The following NAV1 variants were observed in gnomAD, a reference collection of about 807,000 sequenced individuals.
NAV1 encodes the protein pore membrane and/or filament interacting like protein 3.
A neutral mutation model predicts 175.2 loss-of-function variants in NAV1; 18 were observed. The observed-to-expected ratio is 0.10, with a 90% confidence interval of 0.07 to 0.15. The LOEUF is 0.15. Among genes scored for constraint, NAV1 ranks in the 10% least tolerant of loss-of-function variants. The pLI, the probability that NAV1 is intolerant of heterozygous loss-of-function variation, is 1.00. For synonymous variants in NAV1, 897 were observed against 978.7 expected, an observed-to-expected ratio of 0.92 and a Z score of 1.56; for missense variants, 1,731 against 2,436.6, an observed-to-expected ratio of 0.71 and a Z score of 6.10.
chr1:201,801,234 T>C lies in NAV1; in HGVS notation c.3518-2359T>C, dbSNP rs778258502. Reference sequence around the variant, plus strand: ...GGGTTTTCCAAATACCTTATGAGCTTTGTAGTTATAGCATCAGATCCTACG... The same window carrying C: ...GGGTTTTCCAAATACCTTATGAGCTCTGTAGTTATAGCATCAGATCCTACG... On this transcript the variant is annotated intron_variant, in intron 15 of 29. Transcript: ENST00000367296. Among the ~76,000 whole-genome samples the C allele has an allele frequency of 6.2e-4, 94 of 152,180 alleles. 1 individual carries two copies. The highest frequency in any genetic ancestry group is 2.4e-4 in the Non-Finnish European group (16 of 68,038).
chr1:201,821,323 A>T (rs1679364429), exon 30 of NAV1: 1 of 152,626 alleles, frequency 6.6e-6, no homozygotes, highest in Non-Finnish European at 1.5e-5. Context: ...ATGTGAGATC[A>T]TCCCAATCAG....
chr1:201,562,147 G>T (rs1666219117), intron 1 of NAV1, among the ~76,000 whole-genome samples: 2 of 150,468 alleles, frequency 1.3e-5, no homozygotes, highest in African/African-American at 4.9e-5. Flanking sequence ...TGAGACTACA[G>T]GCACACACCA....
intron 3 of NAV1, among the ~76,000 whole-genome samples, chr1:201,756,809 CTTCTTTCTTTCT>C (rs534285799): frequency 0.041 from 1,097 of 26,794 alleles, 20 homozygotes; most frequent in African/African-American, 0.07. Context: ...TCTTTCTTTC[CTTCTTTCTTTCT>C]TTCTTTCTTT....
chr1:201,780,469 C>T (rs1215592719), exon 4 of NAV1: 4 of 1,614,114 alleles, frequency 2.5e-6, no homozygotes, highest in Non-Finnish European at 3.4e-6. Context: ...ATGCCTCAGA[C>T]AATCTCAGTT....
At chr1:201,796,978 AG>A (rs1677489990) in intron 15 of NAV1, 1 of 152,152 alleles carries the variant, frequency 6.6e-6, no homozygotes, top group Admixed American at 6.5e-5. Flanking sequence ...GAAGAACAAA[AG>A]TTTTCCATTT....
At chr1:201,547,706 A>C (rs929136569) in intron 1 of NAV1, among the ~76,000 whole-genome samples, 1 of 152,236 alleles carries the variant, frequency 6.6e-6, no homozygotes, top group Non-Finnish European at 1.5e-5. Context: ...TGTCATATGT[A>C]ATGATAGAAA....
At chr1:201,793,688 A>G (rs1055966171) in intron 13 of NAV1, 104 bp from the exon 18 acceptor site, 10 of 959,908 alleles carry the variant, frequency 1.0e-5, no homozygotes, top group Non-Finnish European at 6.5e-6. Flanking sequence ...GGCATTGGTC[A>G]GCTCCGAGAT....
At chr1:201,629,675 T>C in intron 2 of NAV1, 168 bp downstream of exon 4, 1 of 385,942 alleles carries the variant, frequency 2.6e-6, no homozygotes, top group South Asian at 2.2e-5. Flanking sequence ...CAACCCAGGG[T>C]TGGTCCATCA....
At chr1:201,801,714 T>C (rs1677878259) in intron 15 of NAV1, among the ~76,000 whole-genome samples, 2 of 152,208 alleles carry the variant, frequency 1.3e-5, no homozygotes, top group African/African-American at 4.8e-5. Context: ...GTGCATTTCT[T>C]TGCAACTTCC....
intron 1 of NAV1, among the ~76,000 whole-genome samples, chr1:201,700,000 C>A (rs1269392180): frequency 6.6e-6 from 1 of 152,104 alleles, no homozygotes; most frequent in East Asian, 1.9e-4. Flanking sequence ...AGAAGAAAAC[C>A]TAGGCAATAC....
chr1:201,724,120 G>A (rs887226859), intron 3 of NAV1: 8 of 152,080 alleles, frequency 5.3e-5, no homozygotes, highest in South Asian at 2.1e-4. Context: ...AAGTAGTCTC[G>A]CCAGGGTAAT....
intron 1 of NAV1, among the ~76,000 whole-genome samples, chr1:201,687,398 C>A (rs199651609): frequency 1.3e-5 from 2 of 152,148 alleles, no homozygotes; most frequent in East Asian, 3.9e-4. Flanking sequence ...AAGCTGAGGC[C>A]CCTCTGGAGA....
chr1:201,687,731 A>G (rs1487441406), intron 1 of NAV1, among the ~76,000 whole-genome samples: 1 of 152,174 alleles, frequency 6.6e-6, no homozygotes, highest in African/African-American at 2.4e-5. Flanking sequence ...ATTGGTTCGG[A>G]GTCAACTAGG....
intron 1 of NAV1, among the ~76,000 whole-genome samples, chr1:201,669,871 G>C (rs1237143903): frequency 6.6e-6 from 1 of 152,094 alleles, no homozygotes; most frequent in Non-Finnish European, 1.5e-5. Flanking sequence ...TGTGGGCCTG[G>C]TGCACTGTGT....
At chr1:201,559,377 C>T (rs898202131) in intron 1 of NAV1, among the ~76,000 whole-genome samples, 6 of 152,108 alleles carry the variant, frequency 3.9e-5, no homozygotes, top group Admixed American at 6.5e-5. Context: ...ACTGGAGACT[C>T]GCACATAAAC....
chr1:201,804,639 C>A, intron 17 of NAV1, 142 bp downstream of exon 21: 1 of 791,592 alleles, frequency 1.3e-6, no homozygotes, highest in Non-Finnish European at 2.0e-6. Context: ...TAACAACCAC[C>A]CAGAGTTCCT....
At chr1:201,783,753 C>T in exon 7 of NAV1, 1 of 1,614,162 alleles carries the variant, frequency 6.2e-7, no homozygotes, top group Non-Finnish European at 8.5e-7. Context: ...CCCAGCAGTA[C>T]TCCCGTCCCC....
exon 30 of NAV1, chr1:201,819,891 C>A (rs1267824555): frequency 2.5e-6 from 4 of 1,613,970 alleles, no homozygotes; most frequent in Non-Finnish European, 1.7e-6. Context: ...GTCTCCAGAT[C>A]GAGAAACCAT....
Position 201,539,157 on chromosome 1 carries a change from G to A in NAV1, c.-329G>A, listed in dbSNP as rs548319607. ...GGGGCCGGGGCCGGCGGCTGCCCTA[G>A]TGCGGGGCCCGAGGCTGGAGTGCGC... is the stretch of plus-strand genomic sequence containing the variant. On this transcript the variant is annotated 5_prime_UTR_variant, in exon 1 of 34. The change creates a new upstream start codon in the 5' untranslated region. Transcript: ENST00000685211. The surrounding 1 kb of genome is among the most constrained non-coding windows in gnomAD (Gnocchi z 5.6). 1.0e-3 allele frequency among the ~76,000 whole-genome samples: 154 copies of A among 152,328 alleles called. 3 individuals are homozygous for A. In the South Asian group the frequency reaches 0.03, roughly 30 times the overall value.
Sources: gnomAD v4.1 joint callset for allele counts (sites outside exome capture counted in the v4.1 genomes callset) on GRCh38, gnomAD v4.1.1 for gene constraint, Gnocchi (gnomAD v3.1) non-coding constraint, MANE v1.5 for transcripts, NCBI Gene and HGNC (gene_info 2026-07-23, HGNC 2026-07-21) for gene names.